The following RP1 variants were observed in gnomAD, a reference collection of about 807,000 sequenced individuals.
RP1 encodes oxygen-regulated protein 1.
A neutral mutation model predicts 14.8 loss-of-function variants in RP1; 16 were observed. The ratio of observed to expected loss-of-function variants is 1.08; its 90% confidence interval spans 0.73 to 1.65. RP1 has a LOEUF of 1.65. RP1 is among the 40% of genes most tolerant of loss of function. RP1 has a pLI of 0.00. For synonymous variants in RP1, 876 were observed against 883.6 expected (o/e 0.99, Z 0.15); for missense variants, 2,631 against 2,535.0 (o/e 1.04, Z -0.81).
At position 54,621,481 on chromosome 8, in the gene RP1, T is replaced by G. The variant is rs180729424; in HGVS notation, c.515T>G (p.Leu172Arg). 5.9e-5 allele frequency: 95 copies of G among 1,613,960 alleles called. No homozygotes were observed. The highest frequency in any genetic ancestry group is 5.5e-5 in the Non-Finnish European group (65 of 1,180,030). Reference sequence around the variant, plus strand: ...CCGAAGACGAGGCGTGCGGTTCTTCTGAGCAGGAGGGTCACCCAGAGCTTC... The same window carrying G: ...CCGAAGACGAGGCGTGCGGTTCTTCGGAGCAGGAGGGTCACCCAGAGCTTC... ...GDPKTRRAVL[L>R]SRRVTQSFEA... Residue 172 changes from leucine (L) to arginine (R), a missense_variant, in exon 2 of 4, where the codon CTG (leucine) becomes CGG (arginine). Leu to Arg is a moderately radical substitution (Grantham distance 102). Coordinates refer to ENST00000220676, the MANE Select transcript of RP1 (RefSeq NM_006269.2).
At chr8:54,638,963 T>A (rs796442573) in intron 3 of RP1, among the ~76,000 whole-genome samples, 14 of 152,126 alleles carry the variant, frequency 9.2e-5, no homozygotes, top group African/African-American at 2.7e-4. Flanking sequence ...ATCTCCCCAA[T>A]TTTAAGTGTT....
chr8:54,812,095 GAT>G (rs1418598961), intron 24 of RP1, among the ~76,000 whole-genome samples: 2 of 152,298 alleles, frequency 1.3e-5, no homozygotes, highest in East Asian at 3.9e-4. Context: ...AAAACTTATA[GAT>G]GTCATCAATA....
intron 24 of RP1, among the ~76,000 whole-genome samples, chr8:54,823,396 C>T (rs10106172): frequency 0.32 from 47,841 of 151,862 alleles, 7,692 homozygotes; most frequent in South Asian, 0.37. Context: ...AGTGGCGCCA[C>T]CTTGGGTCAC....
downstream of RP1, among the ~76,000 whole-genome samples, chr8:54,774,218 G>A (rs142213551): frequency 2.9e-3 from 445 of 152,234 alleles, 8 homozygotes; most frequent in Middle Eastern, 0.041. Context: ...TCTGCCTGTT[G>A]TGTCAGCCTC....
intron 22 of RP1, among the ~76,000 whole-genome samples, chr8:54,759,364 G>C (rs1563368232): frequency 6.6e-6 from 1 of 152,158 alleles, no homozygotes; most frequent in African/African-American, 2.4e-5. Flanking sequence ...TAAATAGTGA[G>C]AATATTTGTT....
At chr8:54,567,299 A>G (rs892596823) in intron 1 of RP1, among the ~76,000 whole-genome samples, 1 of 152,200 alleles carries the variant, frequency 6.6e-6, no homozygotes. Flanking sequence ...TATTCTGGTA[A>G]ATGGGCCAGT....
At chr8:54,774,452 A>G (rs1327311348), downstream of RP1, among the ~76,000 whole-genome samples, 2 of 152,200 alleles carry the variant, frequency 1.3e-5, no homozygotes, top group African/African-American at 4.8e-5. Flanking sequence ...GTTTAGAATC[A>G]AAAGGAGAGA....
intron 24 of RP1, among the ~76,000 whole-genome samples, chr8:54,814,108 G>A (rs1393111510): frequency 2.0e-5 from 3 of 152,148 alleles, no homozygotes; most frequent in Non-Finnish European, 4.4e-5. Context: ...CAGGCCTATT[G>A]TTCTTGTCCA....
At chr8:54,653,629 T>C (rs958352927) in intron 5 of RP1, among the ~76,000 whole-genome samples, 3 of 152,180 alleles carry the variant, frequency 2.0e-5, no homozygotes, top group Non-Finnish European at 4.4e-5. Context: ...AGCAGAAATA[T>C]ATAGTTGTTA....
intron 1 of RP1, among the ~76,000 whole-genome samples, chr8:54,580,189 A>G (rs1267486986): frequency 6.6e-6 from 1 of 152,126 alleles, no homozygotes; most frequent in African/African-American, 2.4e-5. Context: ...AATGTATATA[A>G]AGCACTTGGT....
chr8:54,684,313 A>C (rs1265718684), intron 12 of RP1, among the ~76,000 whole-genome samples: 1 of 152,128 alleles, frequency 6.6e-6, no homozygotes, highest in African/African-American at 2.4e-5. Context: ...TATCAGAATG[A>C]TGCTGGCCTC....
chr8:54,658,325 G>T (rs1164602841), intron 6 of RP1, among the ~76,000 whole-genome samples: 1 of 149,730 alleles, frequency 6.7e-6, no homozygotes, highest in Non-Finnish European at 1.5e-5. Flanking sequence ...GCCGAGGCGG[G>T]CGGATCACGA....
intron 12 of RP1, chr8:54,696,559 A>T: frequency 1.4e-6 from 1 of 736,672 alleles, no homozygotes; most frequent in South Asian, 1.5e-5. Context: ...GACTGGAATT[A>T]TTCCTACATG....
At chr8:54,693,444 C>T (rs1807770739) in intron 12 of RP1, among the ~76,000 whole-genome samples, 2 of 152,058 alleles carry the variant, frequency 1.3e-5, no homozygotes, top group African/African-American at 4.8e-5. Flanking sequence ...TTCTTCCTAC[C>T]CATGAGTATG....
exon 5 of RP1, chr8:54,652,802 C>G (rs1389767002): frequency 6.5e-7 from 1 of 1,535,734 alleles, no homozygotes; most frequent in Non-Finnish European, 8.7e-7. Flanking sequence ...GACATTGGAG[C>G]ACTCTTTAAG....
At chr8:54,829,374 A>T (rs1418812877) in intron 24 of RP1, among the ~76,000 whole-genome samples, 3 of 152,186 alleles carry the variant, frequency 2.0e-5, no homozygotes, top group African/African-American at 7.2e-5. Flanking sequence ...ATATATTTTT[A>T]AAAATACGGT....
chr8:54,784,244 A>G (rs117080899), intron 24 of RP1, among the ~76,000 whole-genome samples: 291 of 152,262 alleles, frequency 1.9e-3, no homozygotes, highest in Non-Finnish European at 3.2e-3. Context: ...TTTCCTCAAT[A>G]ATCTTTACTT....
At chr8:54,593,574 G>A (rs2129301861) in intron 1 of RP1, among the ~76,000 whole-genome samples, 1 of 152,246 alleles carries the variant, frequency 6.6e-6, no homozygotes, top group South Asian at 2.1e-4. Context: ...CTAATCTCAT[G>A]GCCATCTGGT....
chr8:54,748,050 G>T (rs1809270918), intron 19 of RP1, among the ~76,000 whole-genome samples: 1 of 152,152 alleles, frequency 6.6e-6, no homozygotes, highest in Non-Finnish European at 1.5e-5. Context: ...AATTGAAGTG[G>T]GTCATAGGTT....
Sources: allele counts gnomAD v4.1 joint callset (sites outside exome capture counted in the v4.1 genomes callset), GRCh38; gene constraint gnomAD v4.1.1; transcripts MANE v1.5; gene names NCBI Gene and HGNC (gene_info 2026-07-23, HGNC 2026-07-21).